The following ANXA5 variants were observed in gnomAD, a reference collection of about 807,000 sequenced individuals.
ANXA5 encodes the protein annexin A5.
ANXA5 carries 40 observed loss-of-function variants against 48.1 expected under a neutral mutation model. The ratio of observed to expected loss-of-function variants is 0.83; its 90% CI spans 0.65 to 1.08. The LOEUF (loss-of-function observed/expected upper bound fraction) is 1.08. ANXA5 is among the 50% of genes least tolerant of loss of function. The pLI is 0.00. For synonymous variants in ANXA5, 113 were observed against 129.1 expected (o/e 0.88, Z 0.85); for missense variants, 357 against 376.8 (o/e 0.95, Z 0.44).
Position 121,671,641 on chromosome 4 carries a change from C to T in ANXA5, c.627G>A (p.Val209=). ...CTGATATAGTCATGTACTTGTCAAA[C>T]ACTAGAAAAAATAAAAATGATTCCC... ...GTRSVSHLRK[V]FDKYMTISGF... Residue 209 remains valine, a splice_region_variant and synonymous_variant, in exon 10 of 13, where the codon GTG becomes GTA. Transcript: ENST00000296511. 1.9e-6 allele frequency: 3 copies of T among 1,604,422 alleles called. No homozygotes were observed. The highest frequency in any genetic ancestry group is 2.6e-6 in the Non-Finnish European group (3 of 1,171,816).
Position 121,669,944 on chromosome 4 carries a change from C to A in ANXA5, c.780+10G>T. On this transcript the variant is annotated intron_variant, in intron 11 of 12. Coordinates refer to ENST00000296511, the MANE Select transcript of ANXA5 (RefSeq NM_001154.4). ...ATGTATTAGATAGAAGGTTCATGGTCTCCACTTACCTTCATAGCATAATAG... is the reference window on the plus strand; with the variant it reads ...ATGTATTAGATAGAAGGTTCATGGTATCCACTTACCTTCATAGCATAATAG... 1 of 1,579,106 alleles carries A rather than the reference C, an allele frequency of 6.3e-7. No homozygotes were observed. Among genetic ancestry groups the A allele is most frequent in the South Asian group, 1.2e-5 (1 of 86,658 alleles).
At position 121,683,428 on chromosome 4, in the gene ANXA5, A is replaced by C; in HGVS notation, c.239T>G (p.Leu80Ter). 3 of 1,611,668 alleles carry C rather than the reference A, an allele frequency of 1.9e-6. No individual in the cohort carries two copies. The highest frequency in any genetic ancestry group is 2.5e-6 in the Non-Finnish European group (3 of 1,178,578). ...KSELTGKFEKLIVALMKPSRL... is the reference protein window; with the variant it reads ...KSELTGKFEK ...AGAGGGTTTCATCAGAGCCACAATT[A>C]ATTTTTCAAATTTTCCAGTTAGTTC... The change falls in exon 5 of 13, where the codon TTA (leucine) becomes TGA (stop). Residue 80 changes from leucine to a stop codon, truncating the protein, a stop_gained. Transcript: ENST00000296511. LOFTEE classifies it high-confidence loss of function.
At chr4:121,669,289 T>C (rs116573968) in intron 12 of ANXA5, 3,277 of 226,388 alleles carry the variant, frequency 0.014, 45 homozygotes, top group Middle Eastern at 0.025. Flanking sequence ...ACAGCTGGAA[T>C]TGATAAAAGA....
rs762891398 is a variant in ANXA5, at chr4:121,686,300, T to A, written c.82A>T (p.Met28Leu). ...RADAETLRKA[M>L]KGLGTDEESI... ...AAGCTAAATTTACCCAAGCCTTTCA[T>A]AGCCTTCCGAAGAGTTTCTGCATCA... The change falls in exon 3 of 13, where the codon ATG becomes TTG. Residue 28 changes from methionine (M) to leucine (L), a missense_variant. By Grantham distance (15) the Met-to-Leu change is conservative. Transcript: ENST00000296511. 3.4e-5 allele frequency: 55 copies of A among 1,613,884 alleles called. No individual in the cohort carries two copies. The highest frequency in any genetic ancestry group is 4.3e-5 in the Non-Finnish European group (51 of 1,179,904).
chr4:121,685,710 G>A, intron 3 of ANXA5, among the ~76,000 whole-genome samples: 1 of 152,192 alleles, frequency 6.6e-6, no homozygotes, highest in Non-Finnish European at 1.5e-5. Context: ...TAAATGACTA[G>A]AAAAGAGGCT....
At chr4:121,675,806 T>C (rs1346926455) in intron 8 of ANXA5, among the ~76,000 whole-genome samples, 1 of 152,204 alleles carries the variant, frequency 6.6e-6, no homozygotes, top group Non-Finnish European at 1.5e-5. Context: ...AATCAGAATC[T>C]GCAATTAAAG....
rs557486893 is a variant in ANXA5 at position 121,696,560 on chromosome 4, GT to G, written c.9+20del. The stretch of plus-strand genomic sequence containing the variant: ...CAAAGTTGTGGGTAAATCCAGCGCA[GT>G]GGGGGGCGCACGGCCTTACCTGTGC... On this transcript the variant is annotated intron_variant, in intron 2 of 12. Coordinates refer to ENST00000296511, the MANE Select transcript of ANXA5 (RefSeq NM_001154.4). 7.2e-7 allele frequency: 1 copy of G among 1,395,166 alleles called. No homozygotes were observed. Among genetic ancestry groups the G allele is most frequent in the East Asian group, 2.7e-5 (1 of 37,136 alleles). The allele number at this position is 1,395,166 out of a possible 1,614,324, so 86.4% of individuals were successfully genotyped here.
At chr4:121,693,254 C>A (rs1725018073) in intron 2 of ANXA5, among the ~76,000 whole-genome samples, 1 of 151,322 alleles carries the variant, frequency 6.6e-6, no homozygotes, top group Non-Finnish European at 1.5e-5. Flanking sequence ...AAAAAAAACC[C>A]AAAAAACTAG....
Position 121,682,330 on chromosome 4 carries a change from GA to G in ANXA5, c.304-570del, listed in dbSNP as rs1221398649. Among the ~76,000 whole-genome samples, 5 of 152,108 alleles carry G rather than the reference GA, an allele frequency of 3.3e-5. No homozygotes were observed. In the East Asian group the frequency reaches 9.6e-4, roughly 29 times the overall value. ...ATTGGGACTTGCTTTCTGGATTTTT[GA>G]AAAATCATTTTAGTTGGCTTTCCTT... is the stretch of plus-strand genomic sequence containing the variant. On this transcript the variant is annotated intron_variant, in intron 5 of 12. Coordinates refer to ENST00000296511, the MANE Select transcript of ANXA5 (RefSeq NM_001154.4).
At chr4:121,679,457 T>G (rs893499458) in intron 6 of ANXA5, among the ~76,000 whole-genome samples, 5 of 152,148 alleles carry the variant, frequency 3.3e-5, no homozygotes, top group Admixed American at 6.6e-5. Flanking sequence ...CCCTCAATTG[T>G]TCCTTCAGCA....
At chr4:121,693,185 G>A (rs545131186) in intron 2 of ANXA5, among the ~76,000 whole-genome samples, 39 of 151,840 alleles carry the variant, frequency 2.6e-4, no homozygotes, top group African/African-American at 8.9e-4. Context: ...AGTGAGCTGA[G>A]ATCACGCCAC....
chr4:121,683,529 T>A (rs1578445163), intron 4 of ANXA5, 52 bp from the exon 5 acceptor site: 2 of 1,046,696 alleles, frequency 1.9e-6, no homozygotes, highest in African/African-American at 3.2e-5. Flanking sequence ...GTAATAAGAT[T>A]CTTCTTAAAT....
intron 4 of ANXA5, among the ~76,000 whole-genome samples, chr4:121,684,243 A>G (rs1724839056): frequency 6.6e-6 from 1 of 152,072 alleles, no homozygotes; most frequent in Non-Finnish European, 1.5e-5. Flanking sequence ...TTGAATTATT[A>G]ATCAAATAAA....
chr4:121,670,868 G>T (rs1237316663), intron 10 of ANXA5, among the ~76,000 whole-genome samples: 1 of 152,094 alleles, frequency 6.6e-6, no homozygotes, highest in African/African-American at 2.4e-5. Flanking sequence ...GTCTCCTGAA[G>T]ACAGAGAGCA....
At position 121,677,918 on chromosome 4, in the gene ANXA5, T is replaced by A; in HGVS notation, c.507A>T (p.Glu169Asp). The part of the protein sequence containing the change: ...ANRDPDAGID[E>D]AQVEQDAQAL... ...CCTGAGCATCTTGTTCAACTTGAGCTTCATCAATTCCAGCATCAGGGTCTC... is the reference window on the plus strand; with the variant it reads ...CCTGAGCATCTTGTTCAACTTGAGCATCATCAATTCCAGCATCAGGGTCTC... The change falls in exon 8 of 13, where the codon GAA becomes GAT. Residue 169 changes from glutamate to aspartate, a missense_variant. Coordinates refer to ENST00000296511, the MANE Select transcript of ANXA5 (RefSeq NM_001154.4). 1 of 1,613,846 alleles carries A rather than the reference T, an allele frequency of 6.2e-7. No individual in the cohort carries two copies. The highest frequency in any genetic ancestry group is 1.1e-5 in the South Asian group (1 of 91,072).
intron 10 of ANXA5, 51 bp downstream of exon 10, chr4:121,671,496 A>G: frequency 7.4e-7 from 1 of 1,352,640 alleles, no homozygotes; most frequent in Non-Finnish European, 1.1e-6. Context: ...AATTGAATAA[A>G]ATGCTTTAGC....
intron 1 of ANXA5, 67 bp from the exon 2 acceptor site, chr4:121,696,691 T>C (rs562686923): frequency 3.6e-6 from 4 of 1,121,990 alleles, no homozygotes; most frequent in South Asian, 3.6e-5. Context: ...CAAGCGCAGG[T>C]CCGCGGGGAC....
chr4:121,690,468 T>C (rs569425638), intron 2 of ANXA5, among the ~76,000 whole-genome samples: 4 of 152,250 alleles, frequency 2.6e-5, no homozygotes, highest in African/African-American at 9.6e-5. Context: ...TAGGAGATCT[T>C]TGGTGGTGTT....
intron 6 of ANXA5, among the ~76,000 whole-genome samples, chr4:121,679,596 C>T (rs978533917): frequency 6.6e-6 from 1 of 152,100 alleles, no homozygotes; most frequent in East Asian, 1.9e-4. Flanking sequence ...TGGACATGCA[C>T]ACATCCTCCA....
Sources: gnomAD v4.1 joint callset for allele counts (sites outside exome capture counted in the v4.1 genomes callset) on GRCh38, gnomAD v4.1.1 for gene constraint, MANE v1.5 for transcripts, NCBI Gene and HGNC (gene_info 2026-07-23, HGNC 2026-07-21) for gene names.